FAM86B2: variants seen among roughly 807,000 people sequenced by gnomAD.
FAM86B2 encodes family with sequence similarity 86 member B2, also known as putative protein N-methyltransferase FAM86B2.
A neutral mutation model predicts 26.5 loss-of-function variants in FAM86B2; 1 was observed. The observed-to-expected ratio is 0.04, with a 90% confidence interval of 0.01 to 0.18. The LOEUF (loss-of-function observed/expected upper bound fraction) is 0.18. Among genes scored for constraint, FAM86B2 ranks in the 10% least tolerant of loss-of-function variants. FAM86B2 has a pLI of 1.00. For missense variants in FAM86B2, 43 were observed against 303.5 expected (o/e 0.14, Z 6.38); for synonymous variants, 11 against 127.8 (o/e 0.09, Z 6.17).
rs1429178256 is a variant in FAM86B2 at position 12,429,517 on chromosome 8, G to T, written c.343-403C>A. Among the ~76,000 whole-genome samples, 2 of 82,200 alleles carry T rather than the reference G, an allele frequency of 2.4e-5. 1 individual carries two copies. The highest frequency in any genetic ancestry group is 8.7e-5 in the African/African-American group (2 of 22,974). 53.9% of individuals were successfully genotyped at this position (82,200 alleles called of 152,430 possible). On this transcript the variant is annotated intron_variant, in intron 4 of 7. Transcript: ENST00000262365. ...TTTTTTTTTGAGCTCTGTCACCCAGGCTGGAGTCAGTGGCACGATCTTGGC... is the reference window on the plus strand; with the variant it reads ...TTTTTTTTTGAGCTCTGTCACCCAGTCTGGAGTCAGTGGCACGATCTTGGC...
Position 12,424,740 on chromosome 8 carries a change from A to C in FAM86B2, c.*1149T>G. ...CGCTGCTGGGTTGTGAAGGGTCTCA[A>C]GTCCAAGTGAGGGAGTTAGGGACTT... On this transcript the variant is annotated 3_prime_UTR_variant, in exon 8 of 8. Transcript: ENST00000262365. 2.7e-6 allele frequency: 1 copy of C among 365,438 alleles called. No homozygotes were observed. Among genetic ancestry groups the C allele is most frequent in the South Asian group, 4.4e-5 (1 of 22,896 alleles). The allele number at this position is 365,438 out of a possible 1,614,324, so 22.6% of individuals were successfully genotyped here. A position where few individuals can be genotyped will look rare whatever the true frequency, so the allele number is the denominator to read the frequency against.
At position 12,424,542 on chromosome 8, in the gene FAM86B2, C is replaced by A. The variant is rs1812545686; in HGVS notation, c.*1347G>T. 9.5e-6 allele frequency among the ~76,000 whole-genome samples: 1 copy of A among 105,088 alleles called. No homozygotes were observed. Among genetic ancestry groups the A allele is most frequent in the South Asian group, 4.1e-4 (1 of 2,428 alleles). The allele number at this position is 105,088 out of a possible 152,430, so 68.9% of individuals were successfully genotyped here. The stretch of plus-strand genomic sequence containing the variant: ...GCAAGGCTGAAAAGAACACCCACAC[C>A]CCCTTGTTACCCACAGATGGGTGGG... On this transcript the variant is annotated 3_prime_UTR_variant, in exon 8 of 8. Coordinates refer to ENST00000262365, the MANE Select transcript of FAM86B2 (RefSeq NM_001137610.3).
At chr8:12,426,153 G>T (rs541565846) in intron 7 of FAM86B2, among the ~76,000 whole-genome samples, 164 bp from the exon 8 acceptor site, 1 of 146,058 alleles carries the variant, frequency 6.8e-6, no homozygotes, top group East Asian at 2.1e-4. Context: ...TTCGCCTCCA[G>T]GATGGGACCA....
intron 3 of FAM86B2, among the ~76,000 whole-genome samples, chr8:12,431,703 T>TG: frequency 3.7e-5 from 1 of 27,372 alleles, no homozygotes; most frequent in Admixed American, 5.9e-4. Context: ...CAGGGGTCCG[T>TG]GGGGCAACCC....
At chr8:12,428,431 CCAA>C (rs1812993411) in intron 6 of FAM86B2, among the ~76,000 whole-genome samples, 199 bp downstream of exon 6, 1 of 152,100 alleles carries the variant, frequency 6.6e-6, no homozygotes, top group African/African-American at 2.4e-5. Flanking sequence ...ATGCCTGTCT[CCAA>C]CAACAGGGCT....
chr8:12,435,067 ACTAG>A (rs1798553068), intron 1 of FAM86B2, among the ~76,000 whole-genome samples: 1 of 104,938 alleles, frequency 9.5e-6, no homozygotes, highest in Non-Finnish European at 2.0e-5. Flanking sequence ...TGAAGAAAAC[ACTAG>A]CTAACACCGA....
intron 6 of FAM86B2, among the ~76,000 whole-genome samples, 159 bp downstream of exon 6, chr8:12,428,474 C>G (rs548376822): frequency 2.5e-4 from 38 of 151,946 alleles, no homozygotes; most frequent in Non-Finnish European, 2.6e-4. Context: ...AAGAGGCACC[C>G]CTGTCCTTTG....
intron 7 of FAM86B2, among the ~76,000 whole-genome samples, chr8:12,426,285 C>T (rs2150875425): frequency 6.8e-6 from 1 of 146,074 alleles, no homozygotes; most frequent in East Asian, 2.0e-4. Flanking sequence ...CCCACATCTC[C>T]CTGGCTGCTC....
chr8:12,429,541 G>T (rs1409641423), intron 4 of FAM86B2, among the ~76,000 whole-genome samples: 1 of 72,842 alleles, frequency 1.4e-5, no homozygotes, highest in Non-Finnish European at 2.7e-5. Flanking sequence ...CACGATCTTG[G>T]CTTACTGCAA....
chr8:12,435,940 G>C (rs1469638982), intron 1 of FAM86B2, among the ~76,000 whole-genome samples: 21 of 151,074 alleles, frequency 1.4e-4, no homozygotes, highest in Non-Finnish European at 2.1e-4. Flanking sequence ...GTGTCCCAGT[G>C]ACCAGAACGA....
intron 1 of FAM86B2, among the ~76,000 whole-genome samples, chr8:12,435,824 A>G (rs3988723): frequency 0.25 from 32,440 of 131,294 alleles, 4,261 homozygotes; most frequent in East Asian, 0.42. Flanking sequence ...ACAGATGAGA[A>G]CACTGAGGCA....
chr8:12,434,850 G>C (rs1489743833), intron 1 of FAM86B2, among the ~76,000 whole-genome samples: 1 of 150,742 alleles, frequency 6.6e-6, no homozygotes, highest in Non-Finnish European at 1.5e-5. Context: ...AGGCTTCCCT[G>C]ATTCCCTGAC....
chr8:12,428,371 C>A (rs528521508), intron 6 of FAM86B2, among the ~76,000 whole-genome samples: 4,031 of 145,242 alleles, frequency 0.028, 2 homozygotes, highest in African/African-American at 0.1. Context: ...CTGAAGGACA[C>A]AGGGCATGGC....
At chr8:12,428,475 C>T (rs563509997) in intron 6 of FAM86B2, among the ~76,000 whole-genome samples, 158 bp downstream of exon 6, 1 of 151,994 alleles carries the variant, frequency 6.6e-6, no homozygotes, top group Non-Finnish European at 1.5e-5. Context: ...AGAGGCACCC[C>T]TGTCCTTTGA....
At chr8:12,426,153 G>A (rs541565846) in intron 7 of FAM86B2, among the ~76,000 whole-genome samples, 164 bp from the exon 8 acceptor site, 2 of 145,948 alleles carry the variant, frequency 1.4e-5, no homozygotes, top group Admixed American at 1.4e-4. Flanking sequence ...TTCGCCTCCA[G>A]GATGGGACCA....
intron 1 of FAM86B2, among the ~76,000 whole-genome samples, chr8:12,435,713 G>T (rs2150903407): frequency 7.1e-6 from 1 of 141,166 alleles, no homozygotes; most frequent in African/African-American, 2.7e-5. Flanking sequence ...GCTGAGAATG[G>T]CAGGTCCCCA....
intron 1 of FAM86B2, among the ~76,000 whole-genome samples, chr8:12,435,969 C>T (rs1288431462): frequency 6.6e-6 from 1 of 151,736 alleles, no homozygotes; most frequent in East Asian, 1.9e-4. Context: ...TTTAAAAAGT[C>T]GTGAAAATGA....
At chr8:12,428,402 T>G (rs3882674) in intron 6 of FAM86B2, among the ~76,000 whole-genome samples, 1 of 152,058 alleles carries the variant, frequency 6.6e-6, no homozygotes, top group Non-Finnish European at 1.5e-5. Context: ...AGCCATGTGG[T>G]GACGACTGTA....
At position 12,429,092 on chromosome 8, in the gene FAM86B2, AGT is replaced by A. The variant is rs1268146660; in HGVS notation, c.363_364del (p.Ser123GlnfsTer35). On this transcript the variant is annotated frameshift_variant, in exon 5 of 8. Coordinates refer to ENST00000262365, the MANE Select transcript of FAM86B2 (RefSeq NM_001137610.3). LOFTEE classifies it high-confidence loss of function. ...GGAGATGATGGCTGTGCTCTTGGAGAGTGTGACTGAGCCTCCTGAGGACTGCA... is the reference window on the plus strand; with the variant it reads ...GGAGATGATGGCTGTGCTCTTGGAGAGTGACTGAGCCTCCTGAGGACTGCA... 4.4e-4 allele frequency: 152 copies of A among 345,522 alleles called. No individual in the cohort carries two copies. Among genetic ancestry groups the A allele is most frequent in the Non-Finnish European group, 6.4e-4 (136 of 211,254 alleles). 21.4% of individuals were successfully genotyped at this position (345,522 alleles called of 1,614,324 possible).
Sources: gnomAD v4.1 joint callset for allele counts (sites outside exome capture counted in the v4.1 genomes callset) on GRCh38, gnomAD v4.1.1 for gene constraint, MANE v1.5 for transcripts, NCBI Gene and HGNC (gene_info 2026-07-23, HGNC 2026-07-21) for gene names.